Variants in NRBF2 observed in about 807,000 individuals in gnomAD.
The protein encoded by NRBF2 is nuclear receptor-binding factor 2.
A neutral mutation model predicts 28.5 loss-of-function variants in NRBF2; 12 were observed. The observed-to-expected ratio is 0.42, with a 90% CI of 0.27 to 0.68. The LOEUF is 0.68. Ranked by LOEUF, NRBF2 falls within the 30% of genes least tolerant of loss-of-function variation. NRBF2 has a pLI of 0.24. For synonymous variants in NRBF2, 102 were observed against 116.5 expected (o/e 0.88, Z 0.80); for missense variants, 274 against 333.5 (o/e 0.82, Z 1.39).
chr10:63,135,935 T>C (rs1331871794), intron 1 of NRBF2, among the ~76,000 whole-genome samples: 2 of 152,198 alleles, frequency 1.3e-5, no homozygotes, highest in Non-Finnish European at 2.9e-5. Flanking sequence ...TGAGCCAGCG[T>C]GCCCGGCGGA....
At chr10:63,140,527 T>C (rs1029141546) in intron 1 of NRBF2, among the ~76,000 whole-genome samples, 4 of 151,890 alleles carry the variant, frequency 2.6e-5, no homozygotes, top group Non-Finnish European at 5.9e-5. Flanking sequence ...CTGATCCTCC[T>C]ACCAGTCCCT....
intron 2 of NRBF2, among the ~76,000 whole-genome samples, chr10:63,151,478 T>C (rs1483530726): frequency 6.6e-6 from 1 of 152,174 alleles, no homozygotes; most frequent in Non-Finnish European, 1.5e-5. Flanking sequence ...CATTAGTTCT[T>C]GCATATTTTT....
At chr10:63,133,959 C>T (rs1589014572) in intron 1 of NRBF2, among the ~76,000 whole-genome samples, 1 of 148,904 alleles carries the variant, frequency 6.7e-6, no homozygotes, top group Admixed American at 6.7e-5. Context: ...TCACCCTCCA[C>T]TTCCCCCTCC....
chr10:63,154,411 C>T lies in NRBF2; in HGVS notation c.*193C>T, dbSNP rs576851495. 7.1e-5 allele frequency: 35 copies of T among 489,982 alleles called. No individual in the cohort carries two copies. In the South Asian group the frequency reaches 1.1e-3, roughly 15 times the overall value. 30.4% of individuals were successfully genotyped at this position (489,982 alleles called of 1,614,324 possible). A position where few individuals can be genotyped will look rare whatever the true frequency, so the allele number is the denominator to read the frequency against. On this transcript the variant is annotated 3_prime_UTR_variant, in exon 4 of 4. Coordinates refer to ENST00000277746, the MANE Select transcript of NRBF2 (RefSeq NM_030759.5). Reference sequence around the variant, plus strand: ...AAATGCGCTGCGTATCTCATTCACTCACTTCAGCTAATGATTCCGACTTGG... The same window carrying T: ...AAATGCGCTGCGTATCTCATTCACTTACTTCAGCTAATGATTCCGACTTGG...
chr10:63,146,661 A>G (rs1208999217), intron 2 of NRBF2, among the ~76,000 whole-genome samples: 1 of 152,208 alleles, frequency 6.6e-6, no homozygotes, highest in South Asian at 2.1e-4. Context: ...TTCAATTCCA[A>G]CCAATTCATT....
At chr10:63,150,877 C>T (rs968031819) in intron 2 of NRBF2, among the ~76,000 whole-genome samples, 12 of 152,106 alleles carry the variant, frequency 7.9e-5, no homozygotes, top group African/African-American at 2.4e-4. Context: ...CTTGCTTGTG[C>T]AGTTTGCAGT....
chr10:63,152,027 C>T, intron 2 of NRBF2, 123 bp from the exon 3 acceptor site: 2 of 568,302 alleles, frequency 3.5e-6, no homozygotes, highest in Non-Finnish European at 6.0e-6. Flanking sequence ...AAAAAATCCC[C>T]AATTGTATCA....
At chr10:63,149,409 TC>T (rs1241763507) in intron 2 of NRBF2, among the ~76,000 whole-genome samples, 1 of 152,216 alleles carries the variant, frequency 6.6e-6, no homozygotes, top group Non-Finnish European at 1.5e-5. Context: ...TTTCCTTAGT[TC>T]CTTTATTGTA....
At chr10:63,138,918 T>C (rs1354406729) in intron 1 of NRBF2, among the ~76,000 whole-genome samples, 1 of 152,208 alleles carries the variant, frequency 6.6e-6, no homozygotes, top group African/African-American at 2.4e-5. Context: ...GAGGTTTCTC[T>C]TTCAACTGAA....
In NRBF2 at chr10:63,153,751, A is replaced by G. The variant is rs530032226; in HGVS notation, c.397A>G (p.Ile133Val). 6 of 1,612,772 alleles carry G rather than the reference A, an allele frequency of 3.7e-6. No individual in the cohort carries two copies. Among genetic ancestry groups the G allele is most frequent in the Middle Eastern group, 3.8e-4 (2 of 5,312 alleles). Residue 133 changes from isoleucine (I) to valine (V), a missense_variant, in exon 4 of 4, where the codon ATC becomes GTC. Physicochemically the swap from Ile to Val is conservative, Grantham distance 29 (BLOSUM62 3). Coordinates refer to ENST00000277746, the MANE Select transcript of NRBF2 (RefSeq NM_030759.5). Reference sequence around the variant, plus strand: ...GAAATGCCTGCCTGAGATTCAGGGGATCTTTGACAGGGATCCAGACACACT... The same window carrying G: ...GAAATGCCTGCCTGAGATTCAGGGGGTCTTTGACAGGGATCCAGACACACT... ...TEKCLPEIQG[I>V]FDRDPDTLLY... is the part of the protein sequence containing the mutation.
At chr10:63,145,888 A>T (rs1841552656) in intron 1 of NRBF2, among the ~76,000 whole-genome samples, 4 of 152,180 alleles carry the variant, frequency 2.6e-5, no homozygotes, top group Admixed American at 2.6e-4. Context: ...GAAAATAGAC[A>T]TTTTGAATAA....
chr10:63,146,072 A>G, intron 1 of NRBF2, 137 bp from the exon 2 acceptor site: 1 of 688,292 alleles, frequency 1.5e-6, no homozygotes, highest in Admixed American at 2.4e-5. Flanking sequence ...TTCCCCAGCT[A>G]CAGATAGAGC....
intron 1 of NRBF2, 72 bp from the exon 2 acceptor site, chr10:63,146,137 G>A: frequency 1.8e-6 from 2 of 1,107,562 alleles, no homozygotes; most frequent in Non-Finnish European, 2.8e-6. Flanking sequence ...CTTCTTAAAA[G>A]GTAGTTGCTT....
intron 2 of NRBF2, chr10:63,150,319 G>GA: frequency 2.1e-6 from 2 of 955,504 alleles, no homozygotes; most frequent in Non-Finnish European, 2.5e-6. Context: ...CATACTACAG[G>GA]AAAAAAAGAC....
intron 2 of NRBF2, 51 bp downstream of exon 2, chr10:63,146,344 C>A (rs769221606): frequency 7.9e-7 from 1 of 1,269,256 alleles, no homozygotes; most frequent in East Asian, 2.4e-5. Context: ...CAGAAAGTCA[C>A]AATAGTAATA....
At position 63,152,197 on chromosome 10, in the gene NRBF2, CAT is replaced by C; in HGVS notation, c.156+10_156+11del. The stretch of plus-strand genomic sequence containing the variant: ...GCTGACACAGTCAGAGCAGGTGAGA[CAT>C]ATTCCCAATATTTGCGACAAGGGTT... On this transcript the variant is annotated splice_region_variant and intron_variant, in intron 3 of 3. Coordinates refer to ENST00000277746, the MANE Select transcript of NRBF2 (RefSeq NM_030759.5). The C allele has an allele frequency of 1.2e-6, 2 of 1,611,902 alleles. No homozygotes were observed. Among genetic ancestry groups the C allele is most frequent in the African/African-American group, 1.3e-5 (1 of 74,946 alleles).
intron 2 of NRBF2, among the ~76,000 whole-genome samples, chr10:63,151,090 T>C (rs751443136): frequency 2.6e-5 from 4 of 152,196 alleles, no homozygotes; most frequent in Admixed American, 6.5e-5. Flanking sequence ...ACCCCTGATA[T>C]AATTGTATCT....
chr10:63,153,191 T>C (rs1298301829), intron 3 of NRBF2, among the ~76,000 whole-genome samples: 12 of 152,166 alleles, frequency 7.9e-5, no homozygotes, highest in South Asian at 6.2e-4. Flanking sequence ...CAGGCATGCA[T>C]TGAGTTATCC....
intron 2 of NRBF2, 103 bp from the exon 3 acceptor site, chr10:63,152,047 G>T: frequency 1.3e-6 from 1 of 795,562 alleles, no homozygotes; most frequent in South Asian, 1.6e-5. Context: ...AGAGTTATCA[G>T]ACCAGTTCTC....
Sources: allele counts gnomAD v4.1 joint callset (sites outside exome capture counted in the v4.1 genomes callset), GRCh38; gene constraint gnomAD v4.1.1; transcripts MANE v1.5; gene names NCBI Gene and HGNC (gene_info 2026-07-23, HGNC 2026-07-21).